RTTN: variants seen among roughly 807,000 people sequenced by gnomAD.
RTTN encodes rotatin.
Under a neutral mutation model 269.2 loss-of-function variants are expected in RTTN, and 182 were observed. The ratio of observed to expected loss-of-function variants is 0.68; its 90% CI spans 0.60 to 0.76. The LOEUF (loss-of-function observed/expected upper bound fraction) is 0.76, where lower values mean the gene tolerates loss of function less well. Among genes scored for constraint, RTTN ranks in the 30% least tolerant of loss-of-function variants. The pLI is 0.00. For missense variants in RTTN, 2,545 were observed against 2,608.6 expected, an observed-to-expected ratio of 0.98 and a Z score of 0.53; for synonymous variants, 1,006 against 963.5, an observed-to-expected ratio of 1.04 and a Z score of -0.82.
At chr18:70,074,970 A>T (rs1474943858) in intron 33 of RTTN, 1 of 152,842 alleles carries the variant, frequency 6.5e-6, no homozygotes, top group East Asian at 1.9e-4. Flanking sequence ...TAGAAGTGAA[A>T]GTTCCAAAAA....
At chr18:70,184,359 G>A in intron 10 of RTTN, among the ~76,000 whole-genome samples, 1 of 152,020 alleles carries the variant, frequency 6.6e-6, no homozygotes, top group Non-Finnish European at 1.5e-5. Context: ...TTCGAGACCA[G>A]CCTGGCCAAC....
At chr18:70,103,643 T>C (rs1391422544) in intron 28 of RTTN, among the ~76,000 whole-genome samples, 1 of 151,562 alleles carries the variant, frequency 6.6e-6, no homozygotes, top group African/African-American at 2.4e-5. Flanking sequence ...GACCTCTGCC[T>C]AGGAAAACCA....
intron 4 of RTTN, 107 bp from the exon 5 acceptor site, chr18:70,199,611 G>T: frequency 1.4e-6 from 1 of 710,468 alleles, no homozygotes; most frequent in Non-Finnish European, 2.4e-6. Flanking sequence ...AATAAAGGCT[G>T]CATCTTACAG....
At position 70,020,668 on chromosome 18, in the gene RTTN, T is replaced by C. The variant is rs201359339; in HGVS notation, c.6100A>G (p.Met2034Val). The C allele has an allele frequency of 1.2e-6, 2 of 1,614,036 alleles. No homozygotes were observed. The highest frequency in any genetic ancestry group is 8.5e-7 in the Non-Finnish European group (1 of 1,179,922). The stretch of plus-strand genomic sequence containing the variant: ...GACAAGGCCAGGTTTGAAAGAAGCA[T>C]AAAAACCATCTGCTGAACCGTGGTG... ...ENTTVQQMVF[M>V]LLSNLALSHD... The change falls in exon 45 of 49, where the codon ATG becomes GTG. Residue 2034 changes from methionine to valine, a missense_variant. By Grantham distance (21) the Met-to-Val change is conservative. Transcript: ENST00000640769.
chr18:70,036,515 G>A (rs2057176161), intron 40 of RTTN, among the ~76,000 whole-genome samples: 1 of 152,140 alleles, frequency 6.6e-6, no homozygotes, highest in Non-Finnish European at 1.5e-5. Context: ...GACACAAAGA[G>A]GGGAACAATA....
intron 34 of RTTN, among the ~76,000 whole-genome samples, chr18:70,071,796 G>A (rs1326767297): frequency 6.6e-6 from 1 of 152,142 alleles, no homozygotes; most frequent in Non-Finnish European, 1.5e-5. Context: ...AGTAACCCAG[G>A]AGAGCATGCT....
At chr18:70,080,125 T>C (rs201984926) in intron 32 of RTTN, among the ~76,000 whole-genome samples, 1 of 119,872 alleles carries the variant, frequency 8.3e-6, no homozygotes, top group Non-Finnish European at 1.9e-5. Context: ...AAACAAAAGA[T>C]AAAAATAATA....
intron 8 of RTTN, among the ~76,000 whole-genome samples, chr18:70,192,105 T>C (rs1377187280): frequency 6.6e-6 from 1 of 152,124 alleles, no homozygotes; most frequent in Non-Finnish European, 1.5e-5. Flanking sequence ...ATATATAATA[T>C]CAATCCTATT....
chr18:70,090,616 T>C (rs7240737), intron 30 of RTTN, among the ~76,000 whole-genome samples: 113,562 of 152,102 alleles, frequency 0.75, 49,551 homozygotes, highest in East Asian at 1. Context: ...TATTCTTCAA[T>C]GAAAAGAATG....
chr18:70,205,589 G>A, intron 1 of RTTN, 39 bp downstream of exon 1: 1 of 1,613,416 alleles, frequency 6.2e-7, no homozygotes, highest in Non-Finnish European at 8.5e-7. Context: ...TGGCCAGAGC[G>A]CGGGGGGTGC....
chr18:70,050,915 C>T (rs779970880), intron 39 of RTTN, among the ~76,000 whole-genome samples: 2 of 151,970 alleles, frequency 1.3e-5, no homozygotes, highest in African/African-American at 2.4e-5. Context: ...CACACCGTGT[C>T]GGGGGATGAG....
chr18:70,007,689 C>G (rs1440146506), intron 46 of RTTN: 1 of 152,274 alleles, frequency 6.6e-6, no homozygotes, highest in African/African-American at 2.4e-5. Context: ...AGACGTTGTA[C>G]CCAAACTGCC....
intron 26 of RTTN, among the ~76,000 whole-genome samples, chr18:70,116,373 G>A (rs1209799175): frequency 6.6e-6 from 1 of 151,972 alleles, no homozygotes; most frequent in African/African-American, 2.4e-5. Context: ...TTCTCCCAAA[G>A]AATCTCATCC....
intron 8 of RTTN, among the ~76,000 whole-genome samples, chr18:70,191,121 G>T (rs978912496): frequency 6.6e-6 from 1 of 151,864 alleles, no homozygotes; most frequent in Non-Finnish European, 1.5e-5. Context: ...CTGAGCCCAG[G>T]AGGTAGACGT....
rs1231797239 is a variant in RTTN, at chr18:70,051,532, T to C, written c.5202A>G (p.Ser1734=). ...AATGTGTCCATGTGTGATAAAAAGC[T>C]GATATTAACTCTTTATCTATAAAAT... ...TKDVLDKELI[S]AFYHTWTHLF... Residue 1734 remains serine (S), a synonymous_variant, in exon 39 of 49, where the codon TCA becomes TCG. Transcript: ENST00000640769. 1 of 1,603,776 alleles carries C rather than the reference T, an allele frequency of 6.2e-7. No homozygotes were observed. Among genetic ancestry groups the C allele is most frequent in the African/African-American group, 1.3e-5 (1 of 74,718 alleles).
intron 5 of RTTN, among the ~76,000 whole-genome samples, 175 bp from the exon 6 acceptor site, chr18:70,197,913 C>G (rs754978018): frequency 6.6e-6 from 1 of 152,160 alleles, no homozygotes; most frequent in South Asian, 2.1e-4. Flanking sequence ...TAGGGCAGTG[C>G]TCCTTCCGTT....
intron 32 of RTTN, among the ~76,000 whole-genome samples, chr18:70,085,974 G>C (rs1451548534): frequency 6.6e-6 from 1 of 152,004 alleles, no homozygotes; most frequent in Non-Finnish European, 1.5e-5. Flanking sequence ...CATGAAGCTA[G>C]AATTTTTTTA....
rs767675644 is a variant in RTTN at position 70,205,678 on chromosome 18, G to A, written c.-20C>T. ...GACCATCTCGTCCCGTCAATCTGCA[G>A]CCGCCGGAGAATTAAACTGCCGCGC... On this transcript the variant is annotated 5_prime_UTR_variant, in exon 1 of 49. Coordinates refer to ENST00000640769, the MANE Select transcript of RTTN (RefSeq NM_173630.4). The A allele has an allele frequency of 6.2e-7, 1 of 1,614,066 alleles. No individual in the cohort carries two copies. The highest frequency in any genetic ancestry group is 8.5e-7 in the Non-Finnish European group (1 of 1,179,990).
intron 3 of RTTN, among the ~76,000 whole-genome samples, chr18:70,203,364 G>A (rs751602314): frequency 1.3e-4 from 20 of 152,030 alleles, no homozygotes; most frequent in Admixed American, 2.6e-4. Context: ...CACTATGTCC[G>A]GCTAATTTTT....
Sources: gnomAD v4.1 joint callset for allele counts (sites outside exome capture counted in the v4.1 genomes callset) on GRCh38, gnomAD v4.1.1 for gene constraint, MANE v1.5 for transcripts, NCBI Gene and HGNC (gene_info 2026-07-23, HGNC 2026-07-21) for gene names.